The following SLC25A12 variants were observed in gnomAD, a reference collection of about 807,000 sequenced individuals.
SLC25A12 encodes the protein solute carrier family 25 member 12.
Under a neutral mutation model 83.3 loss-of-function variants are expected in SLC25A12, and 32 were observed. The ratio of observed to expected loss-of-function variants is 0.38; its 90% CI spans 0.29 to 0.52. SLC25A12 has a LOEUF of 0.52. Ranked by LOEUF, SLC25A12 falls within the 20% of genes least tolerant of loss-of-function variation. The probability of loss-of-function intolerance (pLI) is 0.84; values close to 1 mark genes in which losing one functional copy is unlikely to be tolerated. For missense variants in SLC25A12, 611 were observed against 835.6 expected (o/e 0.73, Z 3.31); for synonymous variants, 267 against 291.1 (o/e 0.92, Z 0.84).
At chr2:171,812,948 T>C (rs1683978560) in intron 11 of SLC25A12, among the ~76,000 whole-genome samples, 1 of 152,156 alleles carries the variant, frequency 6.6e-6, no homozygotes, top group African/African-American at 2.4e-5. Flanking sequence ...CTGGATTCTT[T>C]TTCACAGGAA....
At chr2:171,863,459 G>A (rs1305836065) in intron 3 of SLC25A12, among the ~76,000 whole-genome samples, 1 of 151,504 alleles carries the variant, frequency 6.6e-6, no homozygotes, top group Non-Finnish European at 1.5e-5. Flanking sequence ...CCGGAAGGCA[G>A]TGGTTGCAGT....
At chr2:171,835,270 T>C (rs538654424) in intron 6 of SLC25A12, among the ~76,000 whole-genome samples, 1 of 152,364 alleles carries the variant, frequency 6.6e-6, no homozygotes, top group African/African-American at 2.4e-5. Context: ...GTTTTTTTCC[T>C]TCACACACAT....
intron 3 of SLC25A12, among the ~76,000 whole-genome samples, chr2:171,861,740 T>C (rs1458046217): frequency 6.6e-6 from 1 of 152,174 alleles, no homozygotes; most frequent in East Asian, 1.9e-4. Context: ...TTTCCTTTTA[T>C]CCTGCCATGG....
rs10497374 is a variant in SLC25A12, at chr2:171,784,113, A to G, written c.*1161T>C. On this transcript the variant is annotated 3_prime_UTR_variant, in exon 18 of 18. Coordinates refer to ENST00000422440, the MANE Select transcript of SLC25A12 (RefSeq NM_003705.5). ...ATCCAAATTAGTAATCACGCCCTTG[A>G]TGAGTGACTTTTAGAACAGTTTGCA... Among the ~76,000 whole-genome samples, 45,578 of 152,036 alleles carry G rather than the reference A, an allele frequency of 0.3. 7,249 individuals are homozygous for G. The highest frequency in any genetic ancestry group is 0.41 in the African/African-American group (16,836 of 41,420).
At chr2:171,824,415 G>T (rs1484275827) in intron 9 of SLC25A12, among the ~76,000 whole-genome samples, 2 of 152,142 alleles carry the variant, frequency 1.3e-5, no homozygotes, top group African/African-American at 4.8e-5. Context: ...GTAAGCAGCA[G>T]AAAAACTGAG....
chr2:171,852,772 G>T, intron 4 of SLC25A12: 1 of 382,094 alleles, frequency 2.6e-6, no homozygotes, highest in Non-Finnish European at 5.2e-6. Flanking sequence ...GCAGTGCCTA[G>T]AAATCTTGTT....
intron 8 of SLC25A12, among the ~76,000 whole-genome samples, chr2:171,832,583 C>T (rs1046771433): frequency 6.6e-6 from 1 of 152,130 alleles, no homozygotes; most frequent in African/African-American, 2.4e-5. Context: ...CTCATTATAC[C>T]TCTAACTGCA....
chr2:171,826,957 A>C (rs1419157871), intron 8 of SLC25A12, 75 bp from the exon 9 acceptor site: 1 of 799,086 alleles, frequency 1.3e-6, no homozygotes, highest in Non-Finnish European at 2.2e-6. Flanking sequence ...TTCTCAAAAA[A>C]AAAAACAAAA....
rs192308128 is a variant in SLC25A12, at chr2:171,894,131, G to C, written c.12+72C>G. 19 of 1,558,824 alleles carry C rather than the reference G, an allele frequency of 1.2e-5. 1 individual carries two copies. Among genetic ancestry groups the C allele is most frequent in the Middle Eastern group, 3.3e-4 (2 of 6,012 alleles). On this transcript the variant is annotated intron_variant, in intron 1 of 17. Coordinates refer to ENST00000422440, the MANE Select transcript of SLC25A12 (RefSeq NM_003705.5). Reference sequence around the variant, plus strand: ...TAGACAATGAATAAAATGGGAAGCAGTGGGGGGCTGCAGGCAGGGCGCTCG... The same window carrying C: ...TAGACAATGAATAAAATGGGAAGCACTGGGGGGCTGCAGGCAGGGCGCTCG...
intron 13 of SLC25A12, among the ~76,000 whole-genome samples, chr2:171,805,986 G>A (rs926492989): frequency 1.3e-5 from 2 of 151,726 alleles, no homozygotes; most frequent in East Asian, 3.9e-4. Flanking sequence ...GCATGCACCT[G>A]TAGTCCCAGC....
chr2:171,841,739 T>C (rs953378832), intron 5 of SLC25A12, among the ~76,000 whole-genome samples: 2 of 152,162 alleles, frequency 1.3e-5, no homozygotes, highest in Admixed American at 6.5e-5. Context: ...CAAGAAGCCA[T>C]TGCAGGAAGT....
chr2:171,850,345 T>C (rs1452627876), intron 4 of SLC25A12, among the ~76,000 whole-genome samples: 1 of 129,924 alleles, frequency 7.7e-6, no homozygotes, highest in South Asian at 2.9e-4. Context: ...TTGTTTTTTT[T>C]TTTTTTTTTT....
chr2:171,861,502 G>A (rs1177535383), intron 3 of SLC25A12, among the ~76,000 whole-genome samples: 1 of 152,152 alleles, frequency 6.6e-6, no homozygotes, highest in Non-Finnish European at 1.5e-5. Flanking sequence ...GAACTCCTGG[G>A]TTCAAGTGAT....
chr2:171,802,964 A>AGT (rs3058855), intron 13 of SLC25A12, among the ~76,000 whole-genome samples: 40,513 of 150,148 alleles, frequency 0.27, 5,503 homozygotes, highest in African/African-American at 0.31. Context: ...GGTTTTAAAA[A>AGT]GTGTGTGTGT....
intron 4 of SLC25A12, among the ~76,000 whole-genome samples, chr2:171,848,810 T>G (rs1044624412): frequency 2.6e-5 from 4 of 152,214 alleles, no homozygotes; most frequent in African/African-American, 9.6e-5. Flanking sequence ...TACCTACCTC[T>G]AGAAGGGACT....
At chr2:171,891,935 G>A (rs559817238) in intron 2 of SLC25A12, among the ~76,000 whole-genome samples, 5 of 152,162 alleles carry the variant, frequency 3.3e-5, no homozygotes, top group Admixed American at 6.5e-5. Flanking sequence ...ACTACGCAGC[G>A]TCTTACCCAA....
intron 13 of SLC25A12, among the ~76,000 whole-genome samples, chr2:171,796,978 T>A (rs769723619): frequency 2.0e-5 from 3 of 152,224 alleles, no homozygotes; most frequent in Non-Finnish European, 4.4e-5. Flanking sequence ...CAACTCAGAA[T>A]GAGGGACTAT....
chr2:171,785,587 A>C, intron 17 of SLC25A12, 112 bp from the exon 18 acceptor site: 1 of 957,670 alleles, frequency 1.0e-6, no homozygotes, highest in African/African-American at 1.6e-5. Flanking sequence ...GTTTCTCTCA[A>C]CCATTTCCAT....
rs753678546 is a variant in SLC25A12 at position 171,793,816 on chromosome 2, T to C, written c.1306-49A>G. On this transcript the variant is annotated intron_variant, in intron 13 of 17. Transcript: ENST00000422440. The stretch of plus-strand genomic sequence containing the variant: ...GGCAGATTCCACATCAGAGCCCGAC[T>C]GGCAGCGTAAAAAAGGAAAATCCAG... 2.5e-6 allele frequency: 4 copies of C among 1,611,936 alleles called. No homozygotes were observed. The Admixed American group carries it at 6.7e-5, about 27-fold the overall frequency.
Sources: allele counts gnomAD v4.1 joint callset (sites outside exome capture counted in the v4.1 genomes callset), GRCh38; gene constraint gnomAD v4.1.1; transcripts MANE v1.5; gene names NCBI Gene and HGNC (gene_info 2026-07-23, HGNC 2026-07-21).